The following KIF27 variants were observed in gnomAD, a reference collection of about 807,000 sequenced individuals.
KIF27 encodes kinesin family member 27.
Under a neutral mutation model 141.8 loss-of-function variants are expected in KIF27, and 84 were observed. That is an observed-to-expected ratio of 0.59 (90% CI 0.50 to 0.71). The LOEUF is 0.71. KIF27 is among the 30% of genes least tolerant of loss of function. The pLI is 0.00. For synonymous variants in KIF27, 471 were observed against 569.5 expected (o/e 0.83, Z 2.46); for missense variants, 1,306 against 1,628.4 (o/e 0.80, Z 3.41).
Position 83,834,426 on chromosome 9 carries a change from G to GAT in KIF27, c.*2573_*2574dup, listed in dbSNP as rs1392031168. On this transcript the variant is annotated 3_prime_UTR_variant, in exon 18 of 18. Transcript: ENST00000297814. ...GGCATGAAATGTCATATATATAAAG[G>GAT]ATATATGTTTAACCAAAAGGAAGAA... Among the ~76,000 whole-genome samples the GAT allele has an allele frequency of 3.3e-5, 5 of 151,980 alleles. No homozygotes were observed. The highest frequency in any genetic ancestry group is 3.3e-4 in the Admixed American group (5 of 15,256).
intron 1 of KIF27, among the ~76,000 whole-genome samples, chr9:83,918,136 A>C (rs941889780): frequency 3.2e-4 from 49 of 152,066 alleles, no homozygotes; most frequent in African/African-American, 1.1e-3. Context: ...TCAGCTCAGC[A>C]TGGTAGTACG....
At chr9:83,859,118 T>C (rs1949590052) in intron 14 of KIF27, 38 bp downstream of exon 14, 5 of 1,275,518 alleles carry the variant, frequency 3.9e-6, no homozygotes, top group Non-Finnish European at 5.7e-6. Context: ...AAGTGATCCA[T>C]CATACAGCAC....
chr9:83,896,311 G>T (rs1953246770), intron 5 of KIF27, among the ~76,000 whole-genome samples: 1 of 152,082 alleles, frequency 6.6e-6, no homozygotes, highest in Non-Finnish European at 1.5e-5. Context: ...TGGGAATTTT[G>T]AAGGCTCCCC....
chr9:83,904,690 T>C (rs767434888), intron 3 of KIF27, among the ~76,000 whole-genome samples: 28 of 152,070 alleles, frequency 1.8e-4, no homozygotes, highest in Non-Finnish European at 2.5e-4. Flanking sequence ...CTTTTATAAA[T>C]TAATCAAATA....
chr9:83,873,164 GC>G (rs1363081127), intron 11 of KIF27, among the ~76,000 whole-genome samples: 1 of 152,198 alleles, frequency 6.6e-6, no homozygotes, highest in Non-Finnish European at 1.5e-5. Context: ...TAAACCAGAA[GC>G]AAGATCAAAC....
At chr9:83,848,109 C>CTGATATATCATATATATGAT (rs1947647406) in intron 16 of KIF27, among the ~76,000 whole-genome samples, 1 of 24,504 alleles carries the variant, frequency 4.1e-5, no homozygotes, top group Non-Finnish European at 6.9e-5. Flanking sequence ...TATGATATCT[C>CTGATATATCATATATATGAT]ATATCTGATA....
chr9:83,903,948 A>T lies in KIF27; in HGVS notation c.570T>A (p.Asn190Lys), dbSNP rs1954214124. 6.2e-7 allele frequency: 1 copy of T among 1,614,010 alleles called. No individual in the cohort carries two copies. The highest frequency in any genetic ancestry group is 8.5e-7 in the Non-Finnish European group (1 of 1,180,026). The stretch of plus-strand genomic sequence containing the variant: ...GAGTGGTACCTGTATGTCTGGCTGC[A>T]TTCCCCATCTCCAAAAGACTCATCA... ...GEVMSLLEMG[N>K]AARHTGTTQM... The change falls in exon 4 of 18, where the codon AAT (asparagine) becomes AAA (lysine). Residue 190 changes from asparagine to lysine, a missense_variant. Asn to Lys is a moderately conservative substitution (Grantham distance 94, BLOSUM62 0). Around this residue, in one of 4 missense-constraint regions of KIF27, gnomAD observed 533 missense variants for 565.6 expected, o/e 0.94. Transcript: ENST00000297814.
intron 13 of KIF27, among the ~76,000 whole-genome samples, chr9:83,864,424 A>G (rs1040672186): frequency 4.6e-5 from 7 of 152,190 alleles, no homozygotes; most frequent in African/African-American, 1.7e-4. Context: ...CCTTCATTTC[A>G]TTAGGTACAC....
intron 14 of KIF27, among the ~76,000 whole-genome samples, chr9:83,856,012 CAA>C (rs1421740582): frequency 2.6e-5 from 4 of 152,184 alleles, no homozygotes; most frequent in Admixed American, 1.3e-4. Flanking sequence ...TGTAGGCTGA[CAA>C]GATACGTGGC....
intron 11 of KIF27, among the ~76,000 whole-genome samples, chr9:83,871,151 C>T (rs1264316474): frequency 6.6e-6 from 1 of 152,010 alleles, no homozygotes; most frequent in Non-Finnish European, 1.5e-5. Context: ...ATCTTCCTGG[C>T]CTCCAGTGAT....
chr9:83,835,703 A>G lies in KIF27; in HGVS notation c.*1298T>C, dbSNP rs1945751755. On this transcript the variant is annotated 3_prime_UTR_variant, in exon 18 of 18. Transcript: ENST00000297814. ...GCAACAGAGGAAAGGACAAAAGGAA[A>G]AGGTCTGTAGCAGCACTACATCAGA... 1 of 152,138 alleles carries G rather than the reference A, an allele frequency of 6.6e-6. No homozygotes were observed. Among genetic ancestry groups the G allele is most frequent in the African/African-American group, 2.4e-5 (1 of 41,430 alleles). 9.4% of individuals were successfully genotyped at this position (152,138 alleles called of 1,614,324 possible).
chr9:83,914,283 G>C (rs1039292051), intron 2 of KIF27, among the ~76,000 whole-genome samples: 9 of 149,322 alleles, frequency 6.0e-5, no homozygotes, highest in African/African-American at 2.2e-4. Flanking sequence ...TCTTTTTATT[G>C]TAAGACGCTG....
At chr9:83,893,497 A>G (rs1451935349) in intron 5 of KIF27, among the ~76,000 whole-genome samples, 1 of 152,096 alleles carries the variant, frequency 6.6e-6, no homozygotes, top group African/African-American at 2.4e-5. Flanking sequence ...TTAAAGAAAA[A>G]TAAATCCCCC....
At position 83,899,682 on chromosome 9, in the gene KIF27, C is replaced by T. The variant is rs556174788; in HGVS notation, c.1581G>A (p.Ala527=). The change falls in exon 5 of 18, where the codon GCG becomes GCA. Residue 527 remains alanine (A), a synonymous_variant. Transcript: ENST00000297814. ...CTACCTGCAGTCTATTCACTTTTTG[C>T]GCTTCTTTCAAAGATACAGCATGCC... ...NKGHAVSLKE[A]QKVNRLQNEK... 54 of 1,613,130 alleles carry T rather than the reference C, an allele frequency of 3.3e-5. No homozygotes were observed. Among genetic ancestry groups the T allele is most frequent in the South Asian group, 2.6e-4 (24 of 91,000 alleles).
At chr9:83,877,681 T>A (rs1951312880) in intron 11 of KIF27, among the ~76,000 whole-genome samples, 1 of 151,966 alleles carries the variant, frequency 6.6e-6, no homozygotes. Flanking sequence ...AAACTAAAAA[T>A]TTTTGCATAT....
intron 5 of KIF27, among the ~76,000 whole-genome samples, chr9:83,895,664 GA>G (rs1216110257): frequency 6.6e-6 from 1 of 151,828 alleles, no homozygotes; most frequent in Non-Finnish European, 1.5e-5. Flanking sequence ...TACAGAAGGT[GA>G]AAGGATTATA....
intron 16 of KIF27, among the ~76,000 whole-genome samples, chr9:83,846,176 G>A (rs866150065): frequency 5.5e-4 from 83 of 152,250 alleles, no homozygotes; most frequent in African/African-American, 1.7e-3. Context: ...CCATTCCTCA[G>A]GGTGATCAGC....
intron 12 of KIF27, 111 bp downstream of exon 12, chr9:83,870,408 C>A (rs1950676687): frequency 6.8e-7 from 1 of 1,460,990 alleles, no homozygotes; most frequent in Non-Finnish European, 9.2e-7. Context: ...CGCAGGTGAT[C>A]CACCCACCTC....
intron 11 of KIF27, among the ~76,000 whole-genome samples, chr9:83,870,901 T>G (rs183480556): frequency 2.6e-5 from 4 of 151,952 alleles, no homozygotes; most frequent in Admixed American, 6.6e-5. Flanking sequence ...AAATAATGTG[T>G]GGATTTTTTT....
Sources: allele counts gnomAD v4.1 joint callset (sites outside exome capture counted in the v4.1 genomes callset), GRCh38; gene constraint gnomAD v4.1.1; regional missense constraint gnomAD v4.1.1; transcripts MANE v1.5; gene names NCBI Gene and HGNC (gene_info 2026-07-23, HGNC 2026-07-21).